The following POLD1 variants were observed in gnomAD, a reference collection of about 807,000 sequenced individuals.
The protein encoded by POLD1 is DNA polymerase delta 1, catalytic subunit, also known as DNA polymerase delta catalytic subunit.
In POLD1, 79 loss-of-function variants were observed where a neutral mutation model predicts 129.7. The ratio of observed to expected loss-of-function variants is 0.61; its 90% CI spans 0.51 to 0.73. The LOEUF (loss-of-function observed/expected upper bound fraction) is 0.73. Among genes scored for constraint, POLD1 ranks in the 30% least tolerant of loss-of-function variants. The probability of loss-of-function intolerance (pLI) is 0.00; values close to 1 mark genes in which losing one functional copy is unlikely to be tolerated. For synonymous variants in POLD1, 714 were observed against 683.3 expected, an observed-to-expected ratio of 1.04 and a Z score of -0.70; for missense variants, 1,338 against 1,595.8, an observed-to-expected ratio of 0.84 and a Z score of 2.75.
rs2038867520 is a variant in POLD1, at chr19:50,406,134, T to G, written c.1243-48T>G. 1 of 1,591,624 alleles carries G rather than the reference T, an allele frequency of 6.3e-7. No individual in the cohort carries two copies. The highest frequency in any genetic ancestry group is 8.6e-7 in the Non-Finnish European group (1 of 1,165,062). On this transcript the variant is annotated intron_variant, in intron 10 of 26. Coordinates refer to ENST00000440232, the MANE Select transcript of POLD1 (RefSeq NM_002691.4). This position sits in a 1 kb window ranked among gnomAD's most constrained non-coding sequence, Gnocchi z 5.5. ...TCTCAATCTCCGTTCTTCAGGCTTA[T>G]GTGACGGGGACCCGCAGCCTGCTGC...
chr19:50,389,246 C>T (rs949743858), intron 1 of POLD1, among the ~76,000 whole-genome samples: 6 of 151,604 alleles, frequency 4.0e-5, no homozygotes, highest in Admixed American at 3.9e-4. Flanking sequence ...CTCAGCCTCT[C>T]GAGTAGCTGG....
chr19:50,407,125 T>G lies in POLD1; in HGVS notation c.1637T>G (p.Leu546Arg). The G allele has an allele frequency of 6.2e-7, 1 of 1,613,372 alleles. No individual in the cohort carries two copies. Among genetic ancestry groups the G allele is most frequent in the Non-Finnish European group, 8.5e-7 (1 of 1,179,858 alleles). The change falls in exon 13 of 27, where the codon CTG becomes CGG. Residue 546 changes from leucine to arginine, a missense_variant. Around this residue, in one of 3 missense-constraint regions of POLD1, gnomAD observed 720 missense variants for 1,002.6 expected, o/e 0.72. Transcript: ENST00000440232. The stretch of plus-strand genomic sequence containing the variant: ...GTCACTGGCGTGCCCCTCAGCTACC[T>G]GCTCAGTCGTGGCCAGCAGGTCAAG... ...ARVTGVPLSY[L>R]LSRGQQVKVV...
In POLD1 at chr19:50,413,840, A is replaced by G. The variant is rs1310459546; in HGVS notation, c.2349A>G (p.Ser783=). ...ALGREAADWV[S]GHFPSPIRLE... ...GGCGGGAGGCCGCGGACTGGGTGTCAGGTCACTTCCCGTCGCCCATCCGGC... is the reference window on the plus strand; with the variant it reads ...GGCGGGAGGCCGCGGACTGGGTGTCGGGTCACTTCCCGTCGCCCATCCGGC... Residue 783 remains serine (S), a synonymous_variant, in exon 19 of 27, where the codon TCA becomes TCG. Coordinates refer to ENST00000440232, the MANE Select transcript of POLD1 (RefSeq NM_002691.4). 3.1e-6 allele frequency: 5 copies of G among 1,611,470 alleles called. No individual in the cohort carries two copies. The South Asian group carries it at 5.5e-5, about 18-fold the overall frequency.
chr19:50,396,040 T>TTTTG (rs146467585), intron 1 of POLD1, among the ~76,000 whole-genome samples: 1 of 148,696 alleles, frequency 6.7e-6, no homozygotes, highest in Non-Finnish European at 1.5e-5. Context: ...GTGGTTGTTT[T>TTTTG]TTTGTTTGTT....
At chr19:50,416,816 C>A (rs965693327) in intron 24 of POLD1, 93 bp downstream of exon 24, 100 of 1,093,368 alleles carry the variant, frequency 9.1e-5, no homozygotes, top group Non-Finnish European at 1.3e-4. Context: ...GCTGGCACTG[C>A]CACCCAGTGG....
rs2122387463 is a variant in POLD1 at position 50,409,589 on chromosome 19, C to A, written c.2077C>A (p.Leu693Met). ...RQVLDGRQLA[L>M]KVSANSVYGF... is the part of the protein sequence containing the mutation. ...GGTCCTGGATGGACGGCAGCTGGCG[C>A]TGAAGGTGAGCGCCAACTCCGTATA... The change falls in exon 17 of 27, where the codon CTG becomes ATG. Residue 693 changes from leucine (L) to methionine (M), a missense_variant. Around this residue, in one of 3 missense-constraint regions of POLD1, gnomAD observed 720 missense variants for 1,002.6 expected, o/e 0.72. Transcript: ENST00000440232. This position sits in a 1 kb window ranked among gnomAD's most constrained non-coding sequence, Gnocchi z 5.8. 3 of 1,613,384 alleles carry A rather than the reference C, an allele frequency of 1.9e-6. No homozygotes were observed. The highest frequency in any genetic ancestry group is 2.5e-6 in the Non-Finnish European group (3 of 1,180,004).
In POLD1 at chr19:50,414,854, G is replaced by A. The variant is rs760358465; in HGVS notation, c.2428G>A (p.Ala810Thr). 40 of 1,597,954 alleles carry A rather than the reference G, an allele frequency of 2.5e-5. No homozygotes were observed. The highest frequency in any genetic ancestry group is 3.2e-5 in the Non-Finnish European group (37 of 1,169,946). Residue 810 changes from alanine (A) to threonine (T), a missense_variant, in exon 20 of 27, where the codon GCG (alanine) becomes ACG (threonine). By Grantham distance (58) the Ala-to-Thr change is moderately conservative. Around this residue, in one of 3 missense-constraint regions of POLD1, gnomAD observed 720 missense variants for 1,002.6 expected, o/e 0.72. Transcript: ENST00000440232. ...PYLLISKKRY[A>T]GLLFSSRPDA... ...CCTGCTTATCAGCAAGAAGCGCTAC[G>A]CGGGCCTGCTCTTCTCCTCCCGGCC...
In POLD1 at chr19:50,416,435, A is replaced by C; in HGVS notation, c.2860A>C (p.Thr954Pro). Residue 954 changes from threonine (T) to proline (P), a missense_variant, in exon 23 of 27, where the codon ACG (threonine) becomes CCG (proline). Physicochemically the swap from Thr to Pro is conservative, Grantham distance 38. Around this residue, in one of 3 missense-constraint regions of POLD1, gnomAD observed 286 missense variants for 277.5 expected, o/e 1.03. Coordinates refer to ENST00000440232, the MANE Select transcript of POLD1 (RefSeq NM_002691.4). ...FVLEHSLPID[T>P]QYYLEQQLAK... ...GCTGGAGCACAGCCTGCCCATTGACACGCAGTACTACCTGGAGCAGCAGCT... is the reference window on the plus strand; with the variant it reads ...GCTGGAGCACAGCCTGCCCATTGACCCGCAGTACTACCTGGAGCAGCAGCT... 1 of 1,549,870 alleles carries C rather than the reference A, an allele frequency of 6.5e-7. No homozygotes were observed. The highest frequency in any genetic ancestry group is 1.2e-5 in the South Asian group (1 of 84,062).
chr19:50,391,909 T>C (rs1410190430), intron 1 of POLD1, among the ~76,000 whole-genome samples: 3 of 151,370 alleles, frequency 2.0e-5, no homozygotes, highest in Non-Finnish European at 4.4e-5. Context: ...ATAGACGGGG[T>C]TTTCACCACG....
chr19:50,416,866 C>A lies in POLD1; in HGVS notation c.3067+143C>A, dbSNP rs948039799. On this transcript the variant is annotated intron_variant, in intron 24 of 26. Transcript: ENST00000440232. ...GGTGGGTGGCCCCTGTCTCCACCCCCCACAGAGGGTCCTCGGCCCCCACCC... is the reference window on the plus strand; with the variant it reads ...GGTGGGTGGCCCCTGTCTCCACCCCACACAGAGGGTCCTCGGCCCCCACCC... 9.5e-6 allele frequency: 9 copies of A among 945,320 alleles called. 1 individual carries two copies. The Middle Eastern group carries it at 1.0e-3, about 106-fold the overall frequency. The allele number at this position is 945,320 out of a possible 1,614,324, so 58.6% of individuals were successfully genotyped here. A position where few individuals can be genotyped will look rare whatever the true frequency, so the allele number is the denominator to read the frequency against.
chr19:50,415,339 C>A (rs2039239210), intron 20 of POLD1, 99 bp from the exon 21 acceptor site: 1 of 1,250,512 alleles, frequency 8.0e-7, no homozygotes, highest in Non-Finnish European at 1.1e-6. Flanking sequence ...GAGCCTCAGC[C>A]CTAAGAGCTC....
At chr19:50,415,862 C>CCCT (rs1262808076) in intron 22 of POLD1, 36 bp downstream of exon 22, 1 of 1,355,020 alleles carries the variant, frequency 7.4e-7, no homozygotes, top group Non-Finnish European at 9.9e-7. Flanking sequence ...CCGCCCAGCC[C>CCCT]CCTCGCTCTC....
intron 1 of POLD1, among the ~76,000 whole-genome samples, chr19:50,396,203 C>T (rs3219348): frequency 0.031 from 4,652 of 150,786 alleles, 240 homozygotes; most frequent in African/African-American, 0.11. Context: ...TCTCCTGCCT[C>T]GGCCTCCCGA....
chr19:50,409,222 A>C lies in POLD1; in HGVS notation c.1993A>C (p.Ser665Arg). The change falls in exon 16 of 27, where the codon AGT (serine) becomes CGT (arginine). Residue 665 changes from serine (S) to arginine (R), a missense_variant. This residue lies in a region of POLD1 where 720 missense variants were observed against 1,002.6 expected (regional missense o/e 0.72). Coordinates refer to ENST00000440232, the MANE Select transcript of POLD1 (RefSeq NM_002691.4). The surrounding 1 kb of genome is among the most constrained non-coding windows in gnomAD (Gnocchi z 5.8). Reference protein sequence around the residue: ...LLPQILENLLSARKRAKAELA... With the variant: ...LLPQILENLLRARKRAKAELA... ...GCCCCAGATCCTGGAGAACCTGCTCAGTGCCCGGAAGAGGTGAGCCCTGGA... is the reference window on the plus strand; with the variant it reads ...GCCCCAGATCCTGGAGAACCTGCTCCGTGCCCGGAAGAGGTGAGCCCTGGA... The C allele has an allele frequency of 1.2e-6, 2 of 1,609,206 alleles. No individual in the cohort carries two copies. The highest frequency in any genetic ancestry group is 1.7e-6 in the Non-Finnish European group (2 of 1,175,720).
chr19:50,407,890 T>C lies in POLD1; in HGVS notation c.1775+475T>C, dbSNP rs113209605. Among the ~76,000 whole-genome samples, 802 of 150,896 alleles carry C rather than the reference T, an allele frequency of 5.3e-3. 8 individuals carry two copies. The highest frequency in any genetic ancestry group is 0.019 in the African/African-American group (768 of 41,262). On this transcript the variant is annotated intron_variant, in intron 14 of 26. Transcript: ENST00000440232. ...CCCGGCCGAAAAAATTTTTAAAAAT[T>C]AGCCAGGCGTGGTGGTGCATGCCTG...
chr19:50,401,392 T>TATA (rs1491527037), intron 3 of POLD1, among the ~76,000 whole-genome samples: 774 of 46,456 alleles, frequency 0.017, 2 homozygotes, highest in African/African-American at 0.031. Context: ...TATATATATA[T>TATA]TTTTTTTTTT....
intron 10 of POLD1, among the ~76,000 whole-genome samples, chr19:50,404,240 CGT>C (rs1484359985): frequency 1.3e-5 from 2 of 151,586 alleles, no homozygotes; most frequent in Admixed American, 1.3e-4. Flanking sequence ...TCTCTCTGTG[CGT>C]GTCTGTTTCC....
intron 1 of POLD1, among the ~76,000 whole-genome samples, chr19:50,385,084 C>T (rs1252166612): frequency 6.6e-6 from 1 of 152,120 alleles, no homozygotes. Flanking sequence ...CTCCTTTATT[C>T]TAGGTTCAGC....
At chr19:50,416,332 C>A in intron 22 of POLD1, 64 bp from the exon 23 acceptor site, 1 of 1,522,776 alleles carries the variant, frequency 6.6e-7, no homozygotes, top group South Asian at 1.2e-5. Flanking sequence ...GCCCCATGAC[C>A]ACCCCGTGTC....
Sources: gnomAD v4.1 joint callset for allele counts (sites outside exome capture counted in the v4.1 genomes callset) on GRCh38, gnomAD v4.1.1 for gene constraint, gnomAD v4.1.1 regional missense constraint, Gnocchi (gnomAD v3.1) non-coding constraint, MANE v1.5 for transcripts, NCBI Gene and HGNC (gene_info 2026-07-23, HGNC 2026-07-21) for gene names.